Variants in SNX29 observed in about 807,000 individuals in gnomAD.
SNX29 encodes sorting nexin-29.
In SNX29, 78 loss-of-function variants were observed where a neutral mutation model predicts 102.1. The observed-to-expected ratio is 0.76, with a 90% confidence interval of 0.64 to 0.92. The LOEUF is 0.92. SNX29 is among the 40% of genes least tolerant of loss of function. SNX29 has a pLI of 0.00. For missense variants in SNX29, 1,280 were observed against 1,061.7 expected, an observed-to-expected ratio of 1.21 and a Z score of -2.86; for synonymous variants, 580 against 414.5, an observed-to-expected ratio of 1.40 and a Z score of -4.85.
At chr16:12,450,751 T>G (rs1477017186) in intron 18 of SNX29, among the ~76,000 whole-genome samples, 1 of 151,846 alleles carries the variant, frequency 6.6e-6, no homozygotes, top group Non-Finnish European at 1.5e-5. Context: ...AGTGGAGGAG[T>G]GACATGGTAT....
At chr16:12,564,634 G>GT (rs1160582684) in intron 20 of SNX29, among the ~76,000 whole-genome samples, 9 of 150,426 alleles carry the variant, frequency 6.0e-5, no homozygotes, top group Admixed American at 2.0e-4. Context: ...CATTAACAGA[G>GT]TCCCTGCTGG....
At chr16:12,542,791 A>G (rs1004130777) in intron 20 of SNX29, among the ~76,000 whole-genome samples, 5 of 152,046 alleles carry the variant, frequency 3.3e-5, no homozygotes, top group Non-Finnish European at 7.4e-5. Flanking sequence ...GTATTAGTTA[A>G]ATCAGCAAGT....
chr16:12,229,460 C>T (rs866927326), intron 14 of SNX29, among the ~76,000 whole-genome samples: 1 of 152,170 alleles, frequency 6.6e-6, no homozygotes, highest in East Asian at 1.9e-4. Context: ...GTCAAATGGC[C>T]AGTTGGACCC....
At chr16:12,456,311 C>T (rs1357908328) in intron 18 of SNX29, among the ~76,000 whole-genome samples, 1 of 152,204 alleles carries the variant, frequency 6.6e-6, no homozygotes, top group Non-Finnish European at 1.5e-5. Context: ...GCTGCGATTG[C>T]CTGCCATTTC....
At chr16:12,069,185 C>G in intron 10 of SNX29, 53 bp downstream of exon 10, 1 of 1,470,042 alleles carries the variant, frequency 6.8e-7, no homozygotes, top group African/African-American at 1.4e-5. Flanking sequence ...CTATTCACAG[C>G]TGTGCATTTT....
chr16:12,377,559 G>A (rs951393861), intron 16 of SNX29, among the ~76,000 whole-genome samples: 10 of 152,296 alleles, frequency 6.6e-5, no homozygotes, highest in Admixed American at 2.6e-4. Context: ...ACTTGTGAGC[G>A]GTCTTGATCA....
At chr16:12,282,655 T>C (rs2079471725) in intron 15 of SNX29, among the ~76,000 whole-genome samples, 3 of 152,164 alleles carry the variant, frequency 2.0e-5, no homozygotes, top group Admixed American at 2.0e-4. Flanking sequence ...AATTAAGTAT[T>C]TTTTTGTTTT....
intron 14 of SNX29, among the ~76,000 whole-genome samples, chr16:12,275,035 C>G (rs1234635185): frequency 6.6e-6 from 1 of 152,128 alleles, no homozygotes; most frequent in Non-Finnish European, 1.5e-5. Flanking sequence ...TTATTCCTGT[C>G]TCAGTCTTTC....
intron 1 of SNX29, among the ~76,000 whole-genome samples, chr16:11,980,014 T>G (rs1185164695): frequency 2.6e-5 from 4 of 152,250 alleles, no homozygotes; most frequent in Non-Finnish European, 5.9e-5. Context: ...CACATTGGTT[T>G]GTGTTTTAAA....
chr16:12,261,162 C>T (rs1239809298), intron 14 of SNX29, among the ~76,000 whole-genome samples: 1 of 148,316 alleles, frequency 6.7e-6, no homozygotes, highest in East Asian at 2.0e-4. Flanking sequence ...GTGCACGTGT[C>T]CCCGGCTGGA....
At position 12,314,237 on chromosome 16, in the gene SNX29, G is replaced by A. The variant is rs190614608; in HGVS notation, c.1782+36201G>A. Among the ~76,000 whole-genome samples the A allele has an allele frequency of 2.4e-3, 368 of 152,324 alleles. 3 individuals carry two copies. The highest frequency in any genetic ancestry group is 3.0e-3 in the Non-Finnish European group (201 of 68,030). ...TGGTCCCAAACTCCTGGTCTCAAAC[G>A]ATTCTCCTGCCTTGGCCTCCCAAAG... On this transcript the variant is annotated intron_variant, in intron 15 of 20. Transcript: ENST00000566228.
intron 15 of SNX29, among the ~76,000 whole-genome samples, chr16:12,322,728 AC>A (rs1244350719): frequency 3.3e-5 from 5 of 151,284 alleles, no homozygotes; most frequent in African/African-American, 1.2e-4. Context: ...ACTGGAGACC[AC>A]CGTCAGGATG....
At chr16:12,543,099 T>G (rs1410515278) in intron 20 of SNX29, among the ~76,000 whole-genome samples, 3 of 152,232 alleles carry the variant, frequency 2.0e-5, no homozygotes, top group African/African-American at 7.2e-5. Context: ...GGTGGAAAGA[T>G]GGATCCTGGC....
chr16:12,131,855 A>G (rs541741919), intron 13 of SNX29, among the ~76,000 whole-genome samples: 2 of 152,296 alleles, frequency 1.3e-5, no homozygotes, highest in East Asian at 1.9e-4. Flanking sequence ...TGGATTTCCA[A>G]TCTTTGAGCT....
At chr16:12,563,047 A>G (rs67186474) in intron 20 of SNX29, among the ~76,000 whole-genome samples, 39,441 of 151,876 alleles carry the variant, frequency 0.26, 5,697 homozygotes, top group East Asian at 0.44. Flanking sequence ...GGCCAAGGTC[A>G]CCTCGAAATG....
intron 13 of SNX29, among the ~76,000 whole-genome samples, chr16:12,161,640 C>T (rs1368979755): frequency 8.5e-5 from 13 of 152,254 alleles, no homozygotes; most frequent in Non-Finnish European, 1.5e-5. Context: ...AGTATTGGGT[C>T]ACGGGGACAG....
chr16:12,564,896 G>A (rs1284212621), intron 20 of SNX29, among the ~76,000 whole-genome samples: 1 of 149,264 alleles, frequency 6.7e-6, no homozygotes, highest in African/African-American at 2.5e-5. Flanking sequence ...CTGTGGGGAG[G>A]AGGCATCTGC....
chr16:12,046,562 A>G, intron 6 of SNX29, 108 bp downstream of exon 6: 4 of 981,704 alleles, frequency 4.1e-6, no homozygotes, highest in East Asian at 2.5e-5. Context: ...CTGTCCCTCA[A>G]CAACTCAATG....
chr16:11,976,909 C>A (rs1391809479), intron 1 of SNX29, 96 bp downstream of exon 1: 28 of 1,275,908 alleles, frequency 2.2e-5, no homozygotes, highest in Non-Finnish European at 2.8e-5. Flanking sequence ...GCGCCCCGCT[C>A]CCTCGCAGAC....
Sources: allele counts gnomAD v4.1 joint callset (sites outside exome capture counted in the v4.1 genomes callset), GRCh38; gene constraint gnomAD v4.1.1; transcripts MANE v1.5; gene names NCBI Gene and HGNC (gene_info 2026-07-23, HGNC 2026-07-21).